Variants in KYNU observed in about 807,000 individuals in gnomAD.
The protein encoded by KYNU is kynureninase.
KYNU carries 54 observed loss-of-function variants against 59.2 expected under a neutral mutation model. The observed-to-expected ratio is 0.91, with a 90% CI of 0.73 to 1.14. The LOEUF (loss-of-function observed/expected upper bound fraction) is 1.14, where lower values mean the gene tolerates loss of function less well. Among genes scored for constraint, KYNU ranks in the 50% most tolerant of loss-of-function variants. The pLI is 0.00. For synonymous variants in KYNU, 177 were observed against 192.0 expected (o/e 0.92, Z 0.65); for missense variants, 567 against 554.4 (o/e 1.02, Z -0.23).
At chr2:142,986,436 C>T (rs528699869) in intron 10 of KYNU, among the ~76,000 whole-genome samples, 2 of 151,934 alleles carry the variant, frequency 1.3e-5, no homozygotes, top group South Asian at 4.1e-4. Flanking sequence ...ATTACATCTA[C>T]CTTTAAAGCT....
At chr2:142,957,438 A>T (rs1044465585) in intron 6 of KYNU, among the ~76,000 whole-genome samples, 4 of 152,138 alleles carry the variant, frequency 2.6e-5, no homozygotes, top group African/African-American at 9.7e-5. Flanking sequence ...CTCTGTTTTC[A>T]TCTATCTCAA....
chr2:143,025,548 C>T (rs1242427737), intron 10 of KYNU, among the ~76,000 whole-genome samples: 2 of 152,104 alleles, frequency 1.3e-5, no homozygotes, highest in Non-Finnish European at 2.9e-5. Flanking sequence ...TGGCCCTGCT[C>T]TCTTGTATTC....
intron 2 of KYNU, among the ~76,000 whole-genome samples, 186 bp from the exon 3 acceptor site, chr2:142,918,423 T>C (rs1379231418): frequency 6.6e-6 from 1 of 152,210 alleles, no homozygotes. Flanking sequence ...GTTTAAATTA[T>C]ATTTTAAATG....
intron 2 of KYNU, among the ~76,000 whole-genome samples, chr2:142,902,892 A>C (rs1682154239): frequency 6.6e-6 from 1 of 152,164 alleles, no homozygotes. Context: ...ATTGGGTTTG[A>C]AGCATCTTTA....
chr2:142,904,364 C>T (rs1472010719), intron 2 of KYNU, among the ~76,000 whole-genome samples: 1 of 152,214 alleles, frequency 6.6e-6, no homozygotes, highest in African/African-American at 2.4e-5. Flanking sequence ...AGGGTCTACA[C>T]TGGGAACTGC....
chr2:143,003,288 G>C lies in KYNU; in HGVS notation c.902+17267G>C, dbSNP rs116398319. On this transcript the variant is annotated intron_variant, in intron 10 of 13. Coordinates refer to ENST00000264170, the MANE Select transcript of KYNU (RefSeq NM_003937.3). ...TACAAAAACACTTCTTTACAGCTGG[G>C]GGGGGTGGCTCACACCTATAATCCC... Among the ~76,000 whole-genome samples the C allele has an allele frequency of 9.9e-5, 15 of 152,196 alleles. No homozygotes were observed. The South Asian group carries it at 1.4e-3, about 15-fold the overall frequency.
At chr2:142,892,069 C>T (rs1280831648) in intron 2 of KYNU, among the ~76,000 whole-genome samples, 3 of 152,260 alleles carry the variant, frequency 2.0e-5, no homozygotes, top group Admixed American at 1.3e-4. Flanking sequence ...CATACCACTA[C>T]ACCCAGATAA....
At position 143,050,685 on chromosome 2, in the gene KYNU, T is replaced by C. The variant is rs184277186; in HGVS notation, c.*8513T>C. ...AAACAGACTGAAGAAAGACTGGGTG[T>C]GAAGTCAGTAAATTAATTTCAAATT... On this transcript the variant is annotated 3_prime_UTR_variant, in exon 14 of 14. Transcript: ENST00000264170. 1.3e-5 allele frequency: 2 copies of C among 152,356 alleles called. No homozygotes were observed. Among genetic ancestry groups the C allele is most frequent in the Admixed American group, 1.3e-4 (2 of 15,294 alleles). The allele number at this position is 152,356 out of a possible 1,614,324, so 9.4% of individuals were successfully genotyped here.
At position 143,040,433 on chromosome 2, in the gene KYNU, T is replaced by C. The variant is rs114204731; in HGVS notation, c.1047T>C (p.Phe349=). Residue 349 remains phenylalanine (F), a synonymous_variant, in exon 13 of 14, where the codon TTT becomes TTC. Transcript: ENST00000264170. Reference sequence around the variant, plus strand: ...GATTGTTTCTCATTCCACAGATCTTTAAGCAAGCGACAATGAAGGCATTGC... The same window carrying C: ...GATTGTTTCTCATTCCACAGATCTTCAAGCAAGCGACAATGAAGGCATTGC... ...VCSLHASLEI[F]KQATMKALRK... 2.4e-4 allele frequency: 386 copies of C among 1,610,752 alleles called. 3 individuals are homozygous for C. The African/African-American group carries it at 4.8e-3, about 20-fold the overall frequency.
intron 2 of KYNU, among the ~76,000 whole-genome samples, chr2:142,896,767 G>A (rs975017955): frequency 6.6e-6 from 1 of 152,068 alleles, no homozygotes; most frequent in Non-Finnish European, 1.5e-5. Flanking sequence ...GATAACAGGC[G>A]TGAGTCATGT....
At chr2:142,967,756 A>G (rs1177619213) in intron 8 of KYNU, among the ~76,000 whole-genome samples, 2 of 152,150 alleles carry the variant, frequency 1.3e-5, no homozygotes, top group African/African-American at 4.8e-5. Flanking sequence ...TTCTACAGAA[A>G]GCTTGGCCGT....
intron 10 of KYNU, among the ~76,000 whole-genome samples, chr2:143,005,082 T>G (rs1422083050): frequency 6.6e-6 from 1 of 152,172 alleles, no homozygotes; most frequent in Non-Finnish European, 1.5e-5. Context: ...TCTAGGGATA[T>G]GTTTTCCCCA....
At chr2:142,979,345 TTTA>T (rs1684984324) in intron 8 of KYNU, among the ~76,000 whole-genome samples, 1 of 152,192 alleles carries the variant, frequency 6.6e-6, no homozygotes, top group Admixed American at 6.6e-5. Flanking sequence ...TTTGTAAGAC[TTTA>T]TTATTTGTTC....
chr2:143,017,495 G>A (rs187146722), intron 10 of KYNU, among the ~76,000 whole-genome samples: 7 of 130,918 alleles, frequency 5.3e-5, no homozygotes, highest in East Asian at 4.9e-4. Context: ...AGGATGGAGC[G>A]CAATGGTGCA....
At position 143,042,375 on chromosome 2, in the gene KYNU, G is replaced by A; in HGVS notation, c.*203G>A. 1 of 517,822 alleles carries A rather than the reference G, an allele frequency of 1.9e-6. No individual in the cohort carries two copies. Among genetic ancestry groups the A allele is most frequent in the Non-Finnish European group, 3.4e-6 (1 of 293,918 alleles). 32.1% of individuals were successfully genotyped at this position (517,822 alleles called of 1,614,324 possible). On this transcript the variant is annotated 3_prime_UTR_variant, in exon 14 of 14. Transcript: ENST00000264170. ...CCACAGGGCTGCCTAGGTGCTTTGT[G>A]TTTGGGGGACCAAAACTGTGTTGGT...
Position 143,055,665 on chromosome 2 carries a change from AGG to A in KYNU, c.*13494_*13495del, listed in dbSNP as rs2104938318. ...AAGGAAGGAAGGAAGGAAGGAAGGA[AGG>A]AAGGAAGGAAGGAAGGAAAGGGAGG... On this transcript the variant is annotated 3_prime_UTR_variant, in exon 14 of 14. Coordinates refer to ENST00000264170, the MANE Select transcript of KYNU (RefSeq NM_003937.3). The A allele has an allele frequency of 6.6e-6, 1 of 152,300 alleles. No individual in the cohort carries two copies. The highest frequency in any genetic ancestry group is 1.5e-5 in the Non-Finnish European group (1 of 67,992). The allele number at this position is 152,300 out of a possible 1,614,324, so 9.4% of individuals were successfully genotyped here. A position where few individuals can be genotyped will look rare whatever the true frequency, so the allele number is the denominator to read the frequency against.
intron 1 of KYNU, among the ~76,000 whole-genome samples, chr2:142,883,574 C>T (rs1253190634): frequency 1.3e-5 from 2 of 151,806 alleles, no homozygotes; most frequent in South Asian, 4.2e-4. Context: ...CCTCTTTTTC[C>T]CTCCCTAGTG....
chr2:142,983,870 C>T (rs1685121109), intron 8 of KYNU, among the ~76,000 whole-genome samples: 1 of 152,016 alleles, frequency 6.6e-6, no homozygotes, highest in Non-Finnish European at 1.5e-5. Context: ...TAGCACCTGA[C>T]TTAATAAAAG....
At chr2:142,937,560 C>T (rs577580617) in intron 4 of KYNU, among the ~76,000 whole-genome samples, 1 of 151,704 alleles carries the variant, frequency 6.6e-6, no homozygotes, top group Non-Finnish European at 1.5e-5. Context: ...ATGAGTCAGG[C>T]AGCCTCTCAA....
Sources: gnomAD v4.1 joint callset for allele counts (sites outside exome capture counted in the v4.1 genomes callset) on GRCh38, gnomAD v4.1.1 for gene constraint, MANE v1.5 for transcripts, NCBI Gene and HGNC (gene_info 2026-07-23, HGNC 2026-07-21) for gene names.